OSBPL10: variants seen among roughly 807,000 people sequenced by gnomAD.
The protein encoded by OSBPL10 is oxysterol-binding protein-related protein 10.
Under a neutral mutation model 81.7 loss-of-function variants are expected in OSBPL10, and 49 were observed. The ratio of observed to expected loss-of-function variants is 0.60; its 90% CI spans 0.48 to 0.76. OSBPL10 has a LOEUF of 0.76. OSBPL10 is among the 30% of genes least tolerant of loss of function. The pLI, the probability that OSBPL10 is intolerant of heterozygous loss-of-function variation, is 0.00. For missense variants in OSBPL10, 923 were observed against 987.8 expected, an observed-to-expected ratio of 0.93 and a Z score of 0.88; for synonymous variants, 419 against 383.6, an observed-to-expected ratio of 1.09 and a Z score of -1.08.
At chr3:31,950,661 G>A (rs192625243) in intron 1 of OSBPL10, among the ~76,000 whole-genome samples, 63 of 152,334 alleles carry the variant, frequency 4.1e-4, no homozygotes, top group African/African-American at 1.3e-3. Flanking sequence ...TGGAGGTGGA[G>A]CCTAAGGGGA....
intron 1 of OSBPL10, among the ~76,000 whole-genome samples, chr3:31,939,231 A>AC (rs1330416091): frequency 2.2e-5 from 3 of 134,594 alleles, no homozygotes; most frequent in Non-Finnish European, 4.6e-5. Context: ...TGCAACCTCC[A>AC]CCTCCCAGGT....
chr3:31,965,187 G>A (rs138658647), intron 1 of OSBPL10, among the ~76,000 whole-genome samples: 1,724 of 151,376 alleles, frequency 0.011, 37 homozygotes, highest in African/African-American at 0.04. Context: ...GGCTAACATG[G>A]TGAAATCCCG....
At position 31,812,839 on chromosome 3, in the gene OSBPL10, AGAAAGAAC is replaced by A. The variant is rs1424542451; in HGVS notation, c.729+17193_729+17200del. Among the ~76,000 whole-genome samples the A allele has an allele frequency of 4.7e-4, 66 of 141,566 alleles. 5 individuals carry two copies. The highest frequency in any genetic ancestry group is 4.5e-3 in the East Asian group (19 of 4,180). 92.9% of individuals were successfully genotyped at this position (141,566 alleles called of 152,430 possible). On this transcript the variant is annotated intron_variant, in intron 4 of 11. Coordinates refer to ENST00000396556, the MANE Select transcript of OSBPL10 (RefSeq NM_017784.5). ...GAAAGAGAAAGAAAGAAAGAAAGAA[AGAAAGAAC>A]GAACTTCTCCAATAACATGTGAGAA...
At chr3:31,867,759 A>G (rs1215627818) in intron 3 of OSBPL10, among the ~76,000 whole-genome samples, 1 of 134,640 alleles carries the variant, frequency 7.4e-6, no homozygotes, top group Non-Finnish European at 1.6e-5. Context: ...GGAAGGGAGG[A>G]AGGAAGGGAG....
rs908233413 is a variant in OSBPL10 at position 31,994,041 on chromosome 3, C to A, written n.298+52450G>T. Among the ~76,000 whole-genome samples the A allele has an allele frequency of 5.3e-5, 8 of 152,232 alleles. No homozygotes were observed. In the East Asian group the frequency reaches 1.5e-3, roughly 29 times the overall value. On this transcript the variant is annotated intron_variant and non_coding_transcript_variant, in intron 2 of 3. Transcript: ENST00000479173. ...TACATGTATACAATAAATGAGTACT[C>A]AGCAATAAATGAGAGTAAACTATTG...
intron 4 of OSBPL10, among the ~76,000 whole-genome samples, chr3:31,820,808 T>C (rs1699966558): frequency 6.6e-6 from 1 of 152,128 alleles, no homozygotes; most frequent in Admixed American, 6.6e-5. Context: ...GAGAAACTCC[T>C]TCCTCTCAAA....
chr3:31,813,878 GC>G (rs147973242), intron 4 of OSBPL10, among the ~76,000 whole-genome samples: 3,140 of 152,332 alleles, frequency 0.021, 105 homozygotes, highest in African/African-American at 0.072. Flanking sequence ...ATAAGTATGA[GC>G]TTTCTTAGGC....
chr3:31,727,394 A>T (rs199622976), intron 6 of OSBPL10, among the ~76,000 whole-genome samples: 1 of 114,032 alleles, frequency 8.8e-6, no homozygotes, highest in African/African-American at 5.0e-5. Flanking sequence ...GATTCAAAGG[A>T]AAAAAAAAAA....
chr3:31,980,169 AT>A (rs1322056237), intron 1 of OSBPL10, among the ~76,000 whole-genome samples: 1 of 151,382 alleles, frequency 6.6e-6, no homozygotes, highest in East Asian at 2.0e-4. Flanking sequence ...CGCCCGGCTA[AT>A]TTTTTTTGTT....
At chr3:31,708,420 C>G (rs1696139641) in intron 6 of OSBPL10, among the ~76,000 whole-genome samples, 1 of 152,160 alleles carries the variant, frequency 6.6e-6, no homozygotes, top group Admixed American at 6.5e-5. Context: ...TCTTAAGAAG[C>G]CCCATCTAAC....
intron 3 of OSBPL10, among the ~76,000 whole-genome samples, chr3:31,861,090 G>A (rs904111886): frequency 5.9e-5 from 9 of 152,066 alleles, no homozygotes; most frequent in African/African-American, 2.2e-4. Flanking sequence ...TGAAAATTAA[G>A]CCAATAACAT....
At chr3:31,817,842 T>C (rs1375892187) in intron 4 of OSBPL10, among the ~76,000 whole-genome samples, 1 of 152,202 alleles carries the variant, frequency 6.6e-6, no homozygotes, top group African/African-American at 2.4e-5. Flanking sequence ...CTGCCATCAA[T>C]GCCTGTAATC....
chr3:31,679,788 C>A (rs1700589410), intron 8 of OSBPL10, among the ~76,000 whole-genome samples: 1 of 152,050 alleles, frequency 6.6e-6, no homozygotes, highest in South Asian at 2.1e-4. Context: ...ACGAGCCAAG[C>A]CCAAAGCAAC....
At chr3:31,919,152 C>T (rs1696841205) in intron 1 of OSBPL10, among the ~76,000 whole-genome samples, 1 of 152,194 alleles carries the variant, frequency 6.6e-6, no homozygotes, top group East Asian at 1.9e-4. Flanking sequence ...ACTGTGTCCT[C>T]CTGCCCTCAG....
At chr3:32,036,111 A>T (rs1699516005) in intron 2 of OSBPL10, among the ~76,000 whole-genome samples, 1 of 152,174 alleles carries the variant, frequency 6.6e-6, no homozygotes, top group Non-Finnish European at 1.5e-5. Context: ...GCAGTGGCAC[A>T]TTCCTAGATC....
intron 1 of OSBPL10, among the ~76,000 whole-genome samples, chr3:31,970,605 C>T (rs1308024960): frequency 6.6e-6 from 1 of 152,166 alleles, no homozygotes; most frequent in African/African-American, 2.4e-5. Context: ...GGGTCTATAG[C>T]TACAGGAAAA....
At chr3:31,807,270 G>A (rs1041156704) in intron 4 of OSBPL10, among the ~76,000 whole-genome samples, 3 of 151,990 alleles carry the variant, frequency 2.0e-5, no homozygotes, top group Admixed American at 2.0e-4. Context: ...ATCCCAGCTA[G>A]TCGGGAGGCT....
intron 1 of OSBPL10, among the ~76,000 whole-genome samples, chr3:31,970,612 A>C (rs1698531204): frequency 6.6e-6 from 1 of 152,206 alleles, no homozygotes; most frequent in African/African-American, 2.4e-5. Context: ...TAGCTACAGG[A>C]AAAGGGGAGA....
chr3:31,899,036 A>G (rs1696150419), intron 1 of OSBPL10, among the ~76,000 whole-genome samples: 2 of 71,782 alleles, frequency 2.8e-5, no homozygotes, highest in Admixed American at 4.0e-4. Context: ...ATCTTGGCTC[A>G]CTGCAACCTC....
Sources: gnomAD v4.1 joint callset for allele counts (sites outside exome capture counted in the v4.1 genomes callset) on GRCh38, gnomAD v4.1.1 for gene constraint, MANE v1.5 for transcripts, NCBI Gene and HGNC (gene_info 2026-07-23, HGNC 2026-07-21) for gene names.